APBA1: variants seen among roughly 807,000 people sequenced by gnomAD.
The protein encoded by APBA1 is amyloid-beta A4 precursor protein-binding family A member 1.
APBA1 carries 55 observed loss-of-function variants against 86.6 expected under a neutral mutation model. The ratio of observed to expected loss-of-function variants is 0.64; its 90% CI spans 0.51 to 0.80. The LOEUF (loss-of-function observed/expected upper bound fraction) is 0.80, where lower values mean the gene tolerates loss of function less well. Ranked by LOEUF, APBA1 falls within the 30% of genes least tolerant of loss-of-function variation. The pLI, the probability that APBA1 is intolerant of heterozygous loss-of-function variation, is 0.00. For missense variants in APBA1, 1,090 were observed against 1,183.0 expected (o/e 0.92, Z 1.15); for synonymous variants, 511 against 493.9 (o/e 1.03, Z -0.46).
In APBA1 at chr9:69,466,392, T is replaced by C. The variant is rs531644423; in HGVS notation, c.1482+1431A>G. 4.6e-5 allele frequency among the ~76,000 whole-genome samples: 7 copies of C among 152,340 alleles called. No homozygotes were observed. In the East Asian group the frequency reaches 1.4e-3, roughly 29 times the overall value. On this transcript the variant is annotated intron_variant, in intron 5 of 12. Coordinates refer to ENST00000265381, the MANE Select transcript of APBA1 (RefSeq NM_001163.4). ...ACTAACGTAAGAATCAGCTTGGGCA[T>C]GAGGCCCAAACCAACTGCCTCTCCT...
rs765502978 is a variant in APBA1 at position 69,516,766 on chromosome 9, G to A, written c.445C>T (p.His149Tyr). 2.5e-6 allele frequency: 4 copies of A among 1,611,916 alleles called. No homozygotes were observed. Among genetic ancestry groups the A allele is most frequent in the Admixed American group, 3.3e-5 (2 of 59,976 alleles). ...EATHRRALPN[H>Y]LHFHSLEHEE... ...TGCTCCAGCGAGTGGAAGTGCAGGT[G>A]GTTGGGCAGCGCGCGGCGGTGCGTG... Residue 149 changes from histidine to tyrosine, a missense_variant, in exon 2 of 13, where the codon CAC becomes TAC. This residue lies in a region of APBA1 where 678 missense variants were observed against 647.1 expected (regional missense o/e 1.05). Transcript: ENST00000265381. This position sits in a 1 kb window ranked among gnomAD's most constrained non-coding sequence, Gnocchi z 7.3.
At chr9:69,599,069 G>C (rs920341306) in intron 1 of APBA1, among the ~76,000 whole-genome samples, 1 of 152,188 alleles carries the variant, frequency 6.6e-6, no homozygotes, top group East Asian at 1.9e-4. Context: ...GGGCTGGGAA[G>C]AGAGGGAAAG....
At chr9:69,647,924 G>C (rs1293282310) in intron 1 of APBA1, among the ~76,000 whole-genome samples, 1 of 152,232 alleles carries the variant, frequency 6.6e-6, no homozygotes, top group East Asian at 1.9e-4. Context: ...GTGGGGGATA[G>C]GAACATGGGG....
At chr9:69,646,520 C>T (rs538923309) in intron 1 of APBA1, among the ~76,000 whole-genome samples, 64 of 152,190 alleles carry the variant, frequency 4.2e-4, no homozygotes, top group Non-Finnish European at 6.9e-4. Flanking sequence ...CACTCCCACC[C>T]TACTCCTCAA....
intron 2 of APBA1, among the ~76,000 whole-genome samples, chr9:69,500,381 C>G (rs1200464744): frequency 2.0e-5 from 3 of 152,160 alleles, no homozygotes; most frequent in Non-Finnish European, 4.4e-5. Context: ...AAACCATTTT[C>G]TCTCACAGCT....
At chr9:69,492,323 G>A (rs1395076137) in intron 2 of APBA1, among the ~76,000 whole-genome samples, 1 of 152,082 alleles carries the variant, frequency 6.6e-6, no homozygotes, top group Non-Finnish European at 1.5e-5. Flanking sequence ...CAGTGCCTGG[G>A]CACCGGCAAA....
chr9:69,578,708 C>T lies in APBA1; in HGVS notation c.-69-61429G>A, dbSNP rs189257326. 2.0e-5 allele frequency among the ~76,000 whole-genome samples: 3 copies of T among 152,350 alleles called. No homozygotes were observed. The East Asian group carries it at 5.8e-4, about 29-fold the overall frequency. ...TTTTACAGGAGTGGGGAGCCCCCTC[C>T]CCTGGCCACCAACTGGTGCCATCTC... On this transcript the variant is annotated intron_variant, in intron 1 of 12. Transcript: ENST00000265381.
intron 1 of APBA1, among the ~76,000 whole-genome samples, chr9:69,566,366 A>T (rs1020070847): frequency 6.6e-6 from 1 of 152,172 alleles, no homozygotes; most frequent in African/African-American, 2.4e-5. Flanking sequence ...GTCTATTTGT[A>T]GGTGGGTTTC....
chr9:69,606,479 C>CTTTTTTTTT, intron 1 of APBA1, among the ~76,000 whole-genome samples: 1 of 50,894 alleles, frequency 2.0e-5, no homozygotes, highest in Non-Finnish European at 3.6e-5. Flanking sequence ...AGGGAGCTAG[C>CTTTTTTTTT]TTTTTTTTTT....
intron 1 of APBA1, among the ~76,000 whole-genome samples, chr9:69,651,069 T>C (rs1303347499): frequency 6.6e-6 from 1 of 152,234 alleles, no homozygotes; most frequent in African/African-American, 2.4e-5. Context: ...TACAACTGAA[T>C]ACCATATAGC....
At chr9:69,464,000 C>T (rs1041369586) in intron 5 of APBA1, 9 of 152,252 alleles carry the variant, frequency 5.9e-5, no homozygotes, top group Non-Finnish European at 1.3e-4. Context: ...AGGTCAGTCT[C>T]TCTTTAGGAA....
chr9:69,645,926 T>G (rs1216261929), intron 1 of APBA1, among the ~76,000 whole-genome samples: 1 of 152,180 alleles, frequency 6.6e-6, no homozygotes, highest in Non-Finnish European at 1.5e-5. Context: ...TTAGCCAGAG[T>G]CATTTTCTGT....
At chr9:69,439,891 G>GT (rs1233386502) in intron 11 of APBA1, among the ~76,000 whole-genome samples, 3 of 152,176 alleles carry the variant, frequency 2.0e-5, no homozygotes, top group Non-Finnish European at 4.4e-5. Context: ...TTTCTGCTCT[G>GT]TTTTTTCCCC....
chr9:69,579,421 G>A (rs1821871147), intron 1 of APBA1, among the ~76,000 whole-genome samples: 2 of 152,142 alleles, frequency 1.3e-5, no homozygotes, highest in African/African-American at 4.8e-5. Flanking sequence ...AACTATAGGA[G>A]GAATGTCTGT....
chr9:69,469,796 G>A (rs1030959080), intron 4 of APBA1, among the ~76,000 whole-genome samples: 7 of 152,154 alleles, frequency 4.6e-5, no homozygotes, highest in Admixed American at 3.3e-4. Context: ...TAAGTTCCTG[G>A]TGATGCATTT....
In APBA1 at chr9:69,434,065, G is replaced by A. The variant is rs370902152; in HGVS notation, c.2302-1389C>T. 1.8e-4 allele frequency among the ~76,000 whole-genome samples: 28 copies of A among 152,292 alleles called. No individual in the cohort carries two copies. In the East Asian group the frequency reaches 4.6e-3, roughly 25 times the overall value. ...GGCCTCAAGTGATCTGCCTGGCTTC[G>A]CCGGAAGGCCAAGGTTTGAAGGATC... On this transcript the variant is annotated intron_variant, in intron 11 of 12. Coordinates refer to ENST00000265381, the MANE Select transcript of APBA1 (RefSeq NM_001163.4).
At chr9:69,626,474 T>C (rs996644874) in intron 1 of APBA1, among the ~76,000 whole-genome samples, 1 of 152,174 alleles carries the variant, frequency 6.6e-6, no homozygotes, top group Admixed American at 6.5e-5. Context: ...ATGTAATCAC[T>C]CTTCCCATTA....
chr9:69,528,923 CT>C (rs894559372), intron 1 of APBA1, among the ~76,000 whole-genome samples: 28 of 150,928 alleles, frequency 1.9e-4, no homozygotes, highest in African/African-American at 4.6e-4. Flanking sequence ...AAAATGTAGT[CT>C]TTTTTTTTGA....
intron 1 of APBA1, among the ~76,000 whole-genome samples, chr9:69,543,103 T>C (rs1184002460): frequency 6.6e-6 from 1 of 152,244 alleles, no homozygotes; most frequent in East Asian, 1.9e-4. Context: ...ATTGTCCAAT[T>C]AGTTAGGGTT....
Sources: gnomAD v4.1 joint callset for allele counts (sites outside exome capture counted in the v4.1 genomes callset) on GRCh38, gnomAD v4.1.1 for gene constraint, gnomAD v4.1.1 regional missense constraint, Gnocchi (gnomAD v3.1) non-coding constraint, MANE v1.5 for transcripts, NCBI Gene and HGNC (gene_info 2026-07-23, HGNC 2026-07-21) for gene names.